GRIA3: variants seen among roughly 807,000 people sequenced by gnomAD.
GRIA3 encodes the protein glutamate ionotropic receptor AMPA type subunit 3.
In GRIA3, 3 loss-of-function variants were observed where a neutral mutation model predicts 63.0. The ratio of observed to expected loss-of-function variants is 0.05; its 90% CI spans 0.02 to 0.12. The LOEUF (loss-of-function observed/expected upper bound fraction) is 0.12, where lower values mean the gene tolerates loss of function less well. GRIA3 is among the 10% of genes least tolerant of loss of function. The pLI is 1.00. For synonymous variants in GRIA3, 274 were observed against 257.9 expected, an observed-to-expected ratio of 1.06 and a Z score of -0.60; for missense variants, 347 against 700.9, an observed-to-expected ratio of 0.50 and a Z score of 5.70.
chrX:123,482,780 C>T lies in GRIA3; in HGVS notation c.2440-19C>T, dbSNP rs773257212. Reference sequence around the variant, plus strand: ...CTTTGTTTTCCCCAAGATCTAATCACGTTGTTCATTTCTCTTAGGACAAGA... The same window carrying T: ...CTTTGTTTTCCCCAAGATCTAATCATGTTGTTCATTTCTCTTAGGACAAGA... On this transcript the variant is annotated intron_variant, in intron 14 of 15. Coordinates refer to ENST00000620443, the MANE Select transcript of GRIA3 (RefSeq NM_007325.5). 5 of 1,207,270 alleles carry T rather than the reference C, an allele frequency of 4.1e-6. No homozygotes were observed. Among genetic ancestry groups the T allele is most frequent in the East Asian group, 3.0e-5 (1 of 33,792 alleles).
chrX:123,213,804 G>GA (rs1429996995), intron 2 of GRIA3, among the ~76,000 whole-genome samples: 2 of 111,567 alleles, frequency 1.8e-5, no homozygotes, highest in Non-Finnish European at 3.8e-5. Context: ...CAAATAAAGG[G>GA]AAAAAATAGA....
At chrX:123,289,545 G>A (rs1358401612) in intron 3 of GRIA3, among the ~76,000 whole-genome samples, 1 of 110,523 alleles carries the variant, frequency 9.0e-6, no homozygotes, top group Non-Finnish European at 1.9e-5. Flanking sequence ...GGAATCTTAA[G>A]TGCCTTGAGT....
chrX:123,419,876 C>T (rs1317077206), intron 11 of GRIA3, among the ~76,000 whole-genome samples: 1 of 110,891 alleles, frequency 9.0e-6, no homozygotes, highest in African/African-American at 3.3e-5. Context: ...AAAATTGGAT[C>T]GTGATGATAG....
chrX:123,218,890 A>G (rs1238042526), intron 2 of GRIA3, among the ~76,000 whole-genome samples: 2 of 112,194 alleles, frequency 1.8e-5, no homozygotes, highest in Non-Finnish European at 3.8e-5. Context: ...GCTGGGGGCT[A>G]ATGAGCTAAA....
At chrX:123,234,730 T>G (rs1354175670) in intron 2 of GRIA3, among the ~76,000 whole-genome samples, 2 of 111,792 alleles carry the variant, frequency 1.8e-5, no homozygotes, top group Non-Finnish European at 1.9e-5. Flanking sequence ...TAAGGAGATA[T>G]AATAAAATAA....
At chrX:123,196,141 T>G (rs1422754754) in intron 2 of GRIA3, among the ~76,000 whole-genome samples, 6 of 111,472 alleles carry the variant, frequency 5.4e-5, no homozygotes, top group Admixed American at 1.9e-4. Flanking sequence ...GGGAGGCCAC[T>G]GGGTCAAGTA....
At chrX:123,210,147 T>TA (rs539275485) in intron 2 of GRIA3, among the ~76,000 whole-genome samples, 4,445 of 95,804 alleles carry the variant, frequency 0.046, 240 homozygotes, top group African/African-American at 0.14. Flanking sequence ...AGCTCCATAT[T>TA]AAAAAAAAAA....
chrX:123,331,956 C>T (rs769194424), intron 4 of GRIA3, among the ~76,000 whole-genome samples: 1 of 111,715 alleles, frequency 9.0e-6, no homozygotes, highest in African/African-American at 3.2e-5. Context: ...AGTAGGTACT[C>T]AGTAACTGAT....
At chrX:123,195,324 C>T in intron 2 of GRIA3, among the ~76,000 whole-genome samples, 1 of 112,249 alleles carries the variant, frequency 8.9e-6, no homozygotes, top group Admixed American at 9.4e-5. Flanking sequence ...GCGAGGAACT[C>T]TCATCCCCAT....
chrX:123,392,658 C>T (rs972553063), intron 5 of GRIA3, among the ~76,000 whole-genome samples: 3 of 111,922 alleles, frequency 2.7e-5, no homozygotes, highest in Non-Finnish European at 5.6e-5. Context: ...ATGATCCCAG[C>T]CAAGCAGGCT....
At chrX:123,190,349 G>A (rs750979192) in intron 2 of GRIA3, among the ~76,000 whole-genome samples, 3 of 111,249 alleles carry the variant, frequency 2.7e-5, no homozygotes, top group South Asian at 3.8e-4. Context: ...GGCCCCTCTG[G>A]CTTAGTCCCC....
rs766382333 is a variant in GRIA3 at position 123,436,431 on chromosome X, C to T, written c.2076+8292C>T. 5.4e-5 allele frequency among the ~76,000 whole-genome samples: 6 copies of T among 111,427 alleles called. No homozygotes were observed. The South Asian group carries it at 2.3e-3, about 43-fold the overall frequency. On this transcript the variant is annotated intron_variant, in intron 12 of 15. Coordinates refer to ENST00000620443, the MANE Select transcript of GRIA3 (RefSeq NM_007325.5). ...AAATATAAAATATTACTATTGTGCT[C>T]ATCTCCTAGTTGATTCATCTTTAGC...
chrX:123,212,566 T>C (rs2147261182), intron 2 of GRIA3, among the ~76,000 whole-genome samples: 1 of 112,070 alleles, frequency 8.9e-6, no homozygotes, highest in African/African-American at 3.2e-5. Context: ...TGATATTGTG[T>C]GAATGACAAA....
At chrX:123,383,258 G>C (rs1207990434) in intron 5 of GRIA3, among the ~76,000 whole-genome samples, 7 of 111,870 alleles carry the variant, frequency 6.3e-5, no homozygotes, top group African/African-American at 2.3e-4. Flanking sequence ...AACACCTTGA[G>C]TATTTATCAT....
intron 13 of GRIA3, chrX:123,465,567 C>T (rs2045829512): frequency 3.4e-6 from 2 of 594,423 alleles, no homozygotes; most frequent in South Asian, 2.4e-5. Flanking sequence ...TATAGCTCCA[C>T]GTTCTGTGAA....
intron 3 of GRIA3, among the ~76,000 whole-genome samples, chrX:123,285,577 C>CAAAAGAAAA (rs2044613334): frequency 9.8e-5 from 1 of 10,171 alleles, no homozygotes; most frequent in Non-Finnish European, 1.6e-4. Flanking sequence ...AAATGAAAAG[C>CAAAAGAAAA]AAAAAAAAAA....
At chrX:123,274,164 A>C (rs893092881) in intron 3 of GRIA3, among the ~76,000 whole-genome samples, 1 of 112,738 alleles carries the variant, frequency 8.9e-6, no homozygotes, top group African/African-American at 3.2e-5. Flanking sequence ...AAGTATAAGC[A>C]TGTCCTAAAT....
In GRIA3 at chrX:123,260,735, C is replaced by T. The variant is rs1248694634; in HGVS notation, c.508+7193C>T. Among the ~76,000 whole-genome samples, 6 of 108,185 alleles carry T rather than the reference C, an allele frequency of 5.5e-5. No individual in the cohort carries two copies. In the Admixed American group the frequency reaches 6.0e-4, roughly 11 times the overall value. 93.9% of individuals were successfully genotyped at this position (108,185 alleles called of 115,157 possible). ...TACATCTGAATAAATTAGGAAGGCCCAGCGAGTACATTATCGTGTGAGAGA... is the reference window on the plus strand; with the variant it reads ...TACATCTGAATAAATTAGGAAGGCCTAGCGAGTACATTATCGTGTGAGAGA... On this transcript the variant is annotated intron_variant, in intron 3 of 15. Transcript: ENST00000620443.
At chrX:123,292,959 T>G (rs2044664865) in intron 3 of GRIA3, among the ~76,000 whole-genome samples, 1 of 111,187 alleles carries the variant, frequency 9.0e-6, no homozygotes, top group African/African-American at 3.3e-5. Context: ...GATAATATGT[T>G]ATCTGGGATT....
Sources: gnomAD v4.1 joint callset for allele counts (sites outside exome capture counted in the v4.1 genomes callset) on GRCh38, gnomAD v4.1.1 for gene constraint, MANE v1.5 for transcripts, NCBI Gene and HGNC (gene_info 2026-07-23, HGNC 2026-07-21) for gene names.